Variants in STAC observed in about 807,000 individuals in gnomAD.
The protein encoded by STAC is SH3 and cysteine-rich domain-containing protein.
In STAC, 43 loss-of-function variants were observed where a neutral mutation model predicts 48.8. That is an observed-to-expected ratio of 0.88 (90% confidence interval 0.69 to 1.14). The LOEUF (loss-of-function observed/expected upper bound fraction) is 1.14, where lower values mean the gene tolerates loss of function less well. STAC is among the 50% of genes most tolerant of loss of function. The pLI is 0.00. For synonymous variants in STAC, 193 were observed against 179.5 expected, an observed-to-expected ratio of 1.07 and a Z score of -0.60; for missense variants, 497 against 504.0, an observed-to-expected ratio of 0.99 and a Z score of 0.13.
intron 2 of STAC, among the ~76,000 whole-genome samples, chr3:36,458,015 AT>A (rs1010905704): frequency 6.6e-6 from 1 of 152,148 alleles, no homozygotes; most frequent in African/African-American, 2.4e-5. Flanking sequence ...AATGCCATTA[AT>A]TTTTTTAAAG....
chr3:36,399,405 T>C (rs17035012), intron 1 of STAC, among the ~76,000 whole-genome samples: 15,594 of 152,276 alleles, frequency 0.1, 936 homozygotes, highest in East Asian at 0.24. Flanking sequence ...AATGGGTTGA[T>C]AGACACCTGA....
At chr3:36,405,583 G>A (rs1317976563) in intron 1 of STAC, among the ~76,000 whole-genome samples, 1 of 152,140 alleles carries the variant, frequency 6.6e-6, no homozygotes, top group Non-Finnish European at 1.5e-5. Context: ...GACCCTGCAT[G>A]ATCTAACCCT....
In STAC at chr3:36,486,156, T is replaced by C. The variant is rs1697806182; in HGVS notation, c.594T>C (p.Pro198=). The C allele has an allele frequency of 2.5e-6, 4 of 1,613,744 alleles. No individual in the cohort carries two copies. The highest frequency in any genetic ancestry group is 3.4e-6 in the Non-Finnish European group (4 of 1,179,864). ...CAGCCTGTGGCAATAAGGTGGACCC[T>C]GTCTACGAGACCCTCCGCTTCGGCA... ...MPIACGNKVD[P]VYETLRFGTS... Residue 198 remains proline (P), a synonymous_variant, in exon 5 of 11, where the codon CCT becomes CCC. Transcript: ENST00000273183.
chr3:36,437,477 G>A (rs1475698189), intron 1 of STAC, among the ~76,000 whole-genome samples: 2 of 151,692 alleles, frequency 1.3e-5, no homozygotes, highest in African/African-American at 4.9e-5. Context: ...TCCTTTGTAG[G>A]GACATGGATG....
chr3:36,464,507 G>T (rs1304795917), intron 2 of STAC, among the ~76,000 whole-genome samples: 1 of 151,996 alleles, frequency 6.6e-6, no homozygotes, highest in African/African-American at 2.4e-5. Flanking sequence ...AAGTTCTTTA[G>T]TGGTGATTTC....
intron 6 of STAC, among the ~76,000 whole-genome samples, chr3:36,503,343 G>T (rs1261983397): frequency 6.6e-6 from 1 of 152,184 alleles, no homozygotes; most frequent in Admixed American, 6.5e-5. Context: ...TAAGGCAGAA[G>T]TCCCATTATC....
At position 36,546,644 on chromosome 3, in the gene STAC, GT is replaced by G; in HGVS notation, c.*356del. The stretch of plus-strand genomic sequence containing the variant: ...ACTGGAGTGTGCTCCAGTTTGCAGG[GT>G]AGCCCAGTGCAAGGTTCAGATCCAT... On this transcript the variant is annotated 3_prime_UTR_variant, in exon 11 of 11. Transcript: ENST00000273183. The G allele has an allele frequency of 3.3e-6, 1 of 302,254 alleles. No individual in the cohort carries two copies. The highest frequency in any genetic ancestry group is 2.1e-5 in the African/African-American group (1 of 48,158). The allele number at this position is 302,254 out of a possible 1,614,324, so 18.7% of individuals were successfully genotyped here. A position where few individuals can be genotyped will look rare whatever the true frequency, so the allele number is the denominator to read the frequency against.
intron 1 of STAC, among the ~76,000 whole-genome samples, chr3:36,426,374 T>C (rs1158478321): frequency 6.6e-6 from 1 of 152,246 alleles, no homozygotes; most frequent in East Asian, 1.9e-4. Flanking sequence ...GGGATTGTAC[T>C]TGCTGCTCTA....
chr3:36,412,092 T>C (rs1344280074), intron 1 of STAC, among the ~76,000 whole-genome samples: 4 of 152,300 alleles, frequency 2.6e-5, no homozygotes, highest in African/African-American at 4.8e-5. Context: ...TTTTCTTACA[T>C]AGCAAGAAGT....
intron 6 of STAC, among the ~76,000 whole-genome samples, chr3:36,494,071 G>T (rs1402761680): frequency 7.0e-6 from 1 of 143,102 alleles, no homozygotes; most frequent in Non-Finnish European, 1.5e-5. Context: ...AGAATGGCGT[G>T]AACCCTGGAG....
At chr3:36,544,174 T>C (rs1699391851) in intron 10 of STAC, among the ~76,000 whole-genome samples, 1 of 152,170 alleles carries the variant, frequency 6.6e-6, no homozygotes, top group Admixed American at 6.5e-5. Flanking sequence ...CTTTCAGTAT[T>C]ACTGGCATGG....
rs1553631483 is a variant in STAC at position 36,398,363 on chromosome 3, G to GAAAGAAAGAAAGAAAGA, written c.111+17616_111+17617insGAAAGAAAGAAAAGAAA. 1.9e-3 allele frequency among the ~76,000 whole-genome samples: 236 copies of GAAAGAAAGAAAGAAAGA among 124,960 alleles called. 3 individuals are homozygous for GAAAGAAAGAAAGAAAGA. Among genetic ancestry groups the GAAAGAAAGAAAGAAAGA allele is most frequent in the Middle Eastern group, 8.3e-3 (2 of 240 alleles). 82.0% of individuals were successfully genotyped at this position (124,960 alleles called of 152,430 possible). A position where few individuals can be genotyped will look rare whatever the true frequency, so the allele number is the denominator to read the frequency against. On this transcript the variant is annotated intron_variant, in intron 1 of 10. Coordinates refer to ENST00000273183, the MANE Select transcript of STAC (RefSeq NM_003149.3). ...AGAAAGAAAGAAAGAAAGAAAGAAA[G>GAAAGAAAGAAAGAAAGA]AAAGAAAAGAAAGAGAGAAAGAAAG...
intron 8 of STAC, among the ~76,000 whole-genome samples, chr3:36,524,077 T>A (rs1354129402): frequency 6.6e-6 from 1 of 152,004 alleles, no homozygotes; most frequent in Non-Finnish European, 1.5e-5. Context: ...GTAGATTGAT[T>A]AATTTGAATA....
chr3:36,547,462 C>T lies in STAC; in HGVS notation c.*1173C>T, dbSNP rs574643733. ...GAATCTCTATTACTCTGTACTTATACTAATGTTTACAAGAATGCAATATAC... is the reference window on the plus strand; with the variant it reads ...GAATCTCTATTACTCTGTACTTATATTAATGTTTACAAGAATGCAATATAC... On this transcript the variant is annotated 3_prime_UTR_variant, in exon 11 of 11. Coordinates refer to ENST00000273183, the MANE Select transcript of STAC (RefSeq NM_003149.3). The T allele has an allele frequency of 2.0e-5, 3 of 152,622 alleles. No homozygotes were observed. Among genetic ancestry groups the T allele is most frequent in the Non-Finnish European group, 2.9e-5 (2 of 68,030 alleles). 9.5% of individuals were successfully genotyped at this position (152,622 alleles called of 1,614,324 possible).
At chr3:36,510,973 A>G (rs1698524164) in intron 8 of STAC, among the ~76,000 whole-genome samples, 1 of 151,150 alleles carries the variant, frequency 6.6e-6, no homozygotes, top group Non-Finnish European at 1.5e-5. Context: ...ATATTTATAT[A>G]TATATATATT....
At chr3:36,466,397 T>G (rs1469527833) in intron 2 of STAC, among the ~76,000 whole-genome samples, 1 of 151,886 alleles carries the variant, frequency 6.6e-6, no homozygotes, top group Non-Finnish European at 1.5e-5. Context: ...TTTTTTGGTT[T>G]CATATGAATT....
intron 8 of STAC, 151 bp from the exon 9 acceptor site, chr3:36,528,545 C>A (rs1698990351): frequency 1.7e-6 from 1 of 574,642 alleles, no homozygotes; most frequent in Non-Finnish European, 2.9e-6. Flanking sequence ...CAGCTATTTT[C>A]TTGGTAGGAA....
chr3:36,483,162 C>A lies in STAC; in HGVS notation c.489+70C>A, dbSNP rs1697703510. 4 of 1,205,306 alleles carry A rather than the reference C, an allele frequency of 3.3e-6. No homozygotes were observed. In the Admixed American group the frequency reaches 7.7e-5, roughly 23 times the overall value. 74.7% of individuals were successfully genotyped at this position (1,205,306 alleles called of 1,614,324 possible). ...GCACTTGCCTGCTGCAGTGAGATCA[C>A]CCCCTCCAAAATCCTTCCCTGAAAC... On this transcript the variant is annotated intron_variant, in intron 3 of 10. Coordinates refer to ENST00000273183, the MANE Select transcript of STAC (RefSeq NM_003149.3).
At chr3:36,503,409 G>A (rs921160421) in intron 6 of STAC, among the ~76,000 whole-genome samples, 1 of 151,888 alleles carries the variant, frequency 6.6e-6, no homozygotes, top group African/African-American at 2.4e-5. Context: ...TGCTCATTTT[G>A]TTTATTGTTT....
Sources: gnomAD v4.1 joint callset for allele counts (sites outside exome capture counted in the v4.1 genomes callset) on GRCh38, gnomAD v4.1.1 for gene constraint, MANE v1.5 for transcripts, NCBI Gene and HGNC (gene_info 2026-07-23, HGNC 2026-07-21) for gene names.